The following ADIPOR2 variants were observed in gnomAD, a reference collection of about 807,000 sequenced individuals.
The protein encoded by ADIPOR2 is adiponectin receptor protein 2.
A neutral mutation model predicts 40.9 loss-of-function variants in ADIPOR2; 18 were observed. The observed-to-expected ratio is 0.44, with a 90% CI of 0.30 to 0.65. ADIPOR2 has a LOEUF of 0.65. ADIPOR2 is among the 30% of genes least tolerant of loss of function. The pLI, the probability that ADIPOR2 is intolerant of heterozygous loss-of-function variation, is 0.09. For synonymous variants in ADIPOR2, 165 were observed against 166.4 expected (o/e 0.99, Z 0.06); for missense variants, 283 against 479.2 (o/e 0.59, Z 3.82).
intron 1 of ADIPOR2, among the ~76,000 whole-genome samples, chr12:1,699,024 G>C (rs1434491672): frequency 6.6e-6 from 1 of 152,126 alleles, no homozygotes; most frequent in Non-Finnish European, 1.5e-5. Flanking sequence ...CCTCCCTTAG[G>C]TGGAGCTGCT....
intron 1 of ADIPOR2, among the ~76,000 whole-genome samples, chr12:1,746,007 A>G (rs1303812804): frequency 2.0e-5 from 3 of 152,298 alleles, no homozygotes; most frequent in African/African-American, 7.2e-5. Context: ...TCTTCTTCCT[A>G]TGCTTGTTTT....
chr12:1,762,332 A>C (rs575712615), intron 2 of ADIPOR2, among the ~76,000 whole-genome samples: 1 of 152,240 alleles, frequency 6.6e-6, no homozygotes, highest in East Asian at 1.9e-4. Context: ...AACATATTTT[A>C]TAAAAATTTA....
At chr12:1,716,229 G>C (rs1473812004) in intron 1 of ADIPOR2, among the ~76,000 whole-genome samples, 1 of 152,206 alleles carries the variant, frequency 6.6e-6, no homozygotes, top group East Asian at 1.9e-4. Flanking sequence ...GGTGGTCTCT[G>C]AGAGCAGTGT....
At chr12:1,724,236 C>G (rs908923914) in intron 1 of ADIPOR2, among the ~76,000 whole-genome samples, 1 of 152,164 alleles carries the variant, frequency 6.6e-6, no homozygotes, top group Non-Finnish European at 1.5e-5. Flanking sequence ...CTGCCTTGGC[C>G]TCCCAAAGTG....
chr12:1,728,692 C>G (rs758677796), intron 1 of ADIPOR2, among the ~76,000 whole-genome samples: 5 of 151,882 alleles, frequency 3.3e-5, no homozygotes, highest in Non-Finnish European at 5.9e-5. Context: ...CCATTGCACT[C>G]TAGGCTGGGC....
chr12:1,743,229 CAA>C (rs552711963), intron 1 of ADIPOR2, among the ~76,000 whole-genome samples: 2 of 55,276 alleles, frequency 3.6e-5, no homozygotes, highest in Non-Finnish European at 6.9e-5. Flanking sequence ...CCATCTCTAC[CAA>C]AAAAAAAAAA....
chr12:1,712,165 G>A (rs1382885578), intron 1 of ADIPOR2, among the ~76,000 whole-genome samples: 1 of 152,070 alleles, frequency 6.6e-6, no homozygotes, highest in Non-Finnish European at 1.5e-5. Context: ...TAGCTAAGGG[G>A]ACTTCTAAGA....
chr12:1,749,003 C>A (rs1027507130), intron 1 of ADIPOR2, among the ~76,000 whole-genome samples: 8 of 152,178 alleles, frequency 5.3e-5, no homozygotes, highest in Non-Finnish European at 1.2e-4. Flanking sequence ...TCTGACCAAC[C>A]AGCTTCAAGT....
intron 6 of ADIPOR2, among the ~76,000 whole-genome samples, chr12:1,783,298 C>A (rs184984658): frequency 2.4e-4 from 37 of 152,172 alleles, no homozygotes; most frequent in African/African-American, 7.9e-4. Flanking sequence ...TTTAAATAAA[C>A]TCCTGGAGCT....
At chr12:1,774,168 T>G (rs1179113762) in intron 3 of ADIPOR2, among the ~76,000 whole-genome samples, 1 of 152,182 alleles carries the variant, frequency 6.6e-6, no homozygotes, top group Non-Finnish European at 1.5e-5. Context: ...GTTGGCAAAT[T>G]TAGTATCTGG....
intron 2 of ADIPOR2, among the ~76,000 whole-genome samples, chr12:1,761,669 G>C (rs1862272719): frequency 6.6e-6 from 1 of 152,164 alleles, no homozygotes; most frequent in Non-Finnish European, 1.5e-5. Context: ...GAGGAATTTG[G>C]AAATAGAAGC....
chr12:1,780,291 C>A (rs1216239226), intron 4 of ADIPOR2, 160 bp from the exon 5 acceptor site: 2 of 682,066 alleles, frequency 2.9e-6, no homozygotes, highest in Non-Finnish European at 4.4e-6. Flanking sequence ...TGGAAGTAAA[C>A]CACAATTTTG....
At chr12:1,750,160 G>A (rs372759106) in intron 1 of ADIPOR2, among the ~76,000 whole-genome samples, 2 of 151,998 alleles carry the variant, frequency 1.3e-5, no homozygotes, top group Non-Finnish European at 2.9e-5. Flanking sequence ...GGGCCTATAC[G>A]TATTTTGCTA....
chr12:1,778,110 C>T (rs1038920378), intron 4 of ADIPOR2, 85 bp downstream of exon 4: 125 of 1,407,792 alleles, frequency 8.9e-5, no homozygotes, highest in Non-Finnish European at 7.4e-5. Flanking sequence ...CACAGAACTT[C>T]AGAAATGTAT....
intron 1 of ADIPOR2, among the ~76,000 whole-genome samples, chr12:1,702,732 C>T (rs2094652961): frequency 6.6e-6 from 1 of 152,078 alleles, no homozygotes; most frequent in Non-Finnish European, 1.5e-5. Flanking sequence ...TGTGGCTTAT[C>T]TCTTAACTTT....
chr12:1,738,130 T>C (rs2094734992), intron 1 of ADIPOR2, among the ~76,000 whole-genome samples: 1 of 146,288 alleles, frequency 6.8e-6, no homozygotes. Context: ...CCCAGTACTT[T>C]GGGAGGCTGA....
chr12:1,782,611 T>A (rs1216466328), intron 6 of ADIPOR2, among the ~76,000 whole-genome samples: 2 of 152,236 alleles, frequency 1.3e-5, no homozygotes, highest in Non-Finnish European at 2.9e-5. Context: ...AACAAAATAG[T>A]ATTTAATCCT....
Position 1,785,227 on chromosome 12 carries a change from G to A in ADIPOR2, c.1033-717G>A, listed in dbSNP as rs547051125. 3.9e-4 allele frequency among the ~76,000 whole-genome samples: 60 copies of A among 152,258 alleles called. No homozygotes were observed. The South Asian group carries it at 0.012, about 31-fold the overall frequency. On this transcript the variant is annotated intron_variant, in intron 7 of 7. Transcript: ENST00000357103. ...AATAGTGTAATTTTTGAAGTGCAGCGAGCAATTGATTACCCTTCTTGAGAT... is the reference window on the plus strand; with the variant it reads ...AATAGTGTAATTTTTGAAGTGCAGCAAGCAATTGATTACCCTTCTTGAGAT...
chr12:1,784,101 T>C (rs1388454758), intron 7 of ADIPOR2, 28 bp downstream of exon 7: 2 of 1,533,448 alleles, frequency 1.3e-6, no homozygotes, highest in Non-Finnish European at 1.8e-6. Flanking sequence ...ACTGAGTGTG[T>C]AGGTATCTGC....
Sources: gnomAD v4.1 joint callset for allele counts (sites outside exome capture counted in the v4.1 genomes callset) on GRCh38, gnomAD v4.1.1 for gene constraint, MANE v1.5 for transcripts, NCBI Gene and HGNC (gene_info 2026-07-23, HGNC 2026-07-21) for gene names.